The following KHDRBS2 variants were observed in gnomAD, a reference collection of about 807,000 sequenced individuals.
The protein encoded by KHDRBS2 is KH domain-containing, RNA-binding, signal transduction-associated protein 2.
In KHDRBS2, 26 loss-of-function variants were observed where a neutral mutation model predicts 44.3. That is an observed-to-expected ratio of 0.59 (90% confidence interval 0.43 to 0.81). The LOEUF (loss-of-function observed/expected upper bound fraction) is 0.81, where lower values mean the gene tolerates loss of function less well. KHDRBS2 is among the 40% of genes least tolerant of loss of function. KHDRBS2 has a pLI of 0.00. For missense variants in KHDRBS2, 476 were observed against 433.1 expected, an observed-to-expected ratio of 1.10 and a Z score of -0.88; for synonymous variants, 194 against 151.1, an observed-to-expected ratio of 1.28 and a Z score of -2.08.
intron 2 of KHDRBS2, among the ~76,000 whole-genome samples, chr6:62,103,735 G>A (rs547205329): frequency 1.1e-4 from 16 of 152,166 alleles, no homozygotes; most frequent in African/African-American, 3.9e-4. Context: ...TACAGCTGGC[G>A]ACCTTGCAGT....
chr6:61,625,184 A>C, the KHDRBS2 span, among the ~76,000 whole-genome samples: 1 of 151,990 alleles, frequency 6.6e-6, no homozygotes, highest in East Asian at 1.9e-4. Context: ...TGATTACCTC[A>C]GGCTGACCTA....
chr6:62,136,031 A>C (rs1173294496), intron 2 of KHDRBS2, among the ~76,000 whole-genome samples: 1 of 151,884 alleles, frequency 6.6e-6, no homozygotes, highest in African/African-American at 2.4e-5. Context: ...AAATTTGCTA[A>C]GAAACTAGAT....
intron 7 of KHDRBS2, among the ~76,000 whole-genome samples, chr6:61,721,150 G>A (rs1772436474): frequency 6.6e-6 from 1 of 151,888 alleles, no homozygotes; most frequent in South Asian, 2.1e-4. Flanking sequence ...CTCTGTTTTG[G>A]TACCAGTACC....
intron 7 of KHDRBS2, among the ~76,000 whole-genome samples, chr6:61,707,285 C>A (rs1379118775): frequency 2.6e-5 from 4 of 151,728 alleles, no homozygotes; most frequent in Non-Finnish European, 5.9e-5. Context: ...TACTCCATGT[C>A]CACCCCTAAG....
chr6:62,102,463 T>A (rs1472535685), intron 2 of KHDRBS2, among the ~76,000 whole-genome samples: 1 of 152,142 alleles, frequency 6.6e-6, no homozygotes, highest in African/African-American at 2.4e-5. Context: ...TTACAGCATG[T>A]CACACTCCAG....
At chr6:61,586,129 T>A in the KHDRBS2 span, among the ~76,000 whole-genome samples, 1 of 152,188 alleles carries the variant, frequency 6.6e-6, no homozygotes, top group East Asian at 1.9e-4. Context: ...AACCTTTGGA[T>A]TTTTTAGTTA....
chr6:61,749,179 A>AT (rs1777302127), intron 6 of KHDRBS2, among the ~76,000 whole-genome samples: 1 of 151,220 alleles, frequency 6.6e-6, no homozygotes, highest in East Asian at 2.0e-4. Context: ...TGCCCGGCTA[A>AT]TTTTTTTGTA....
the KHDRBS2 span, among the ~76,000 whole-genome samples, chr6:61,612,271 C>G: frequency 6.6e-6 from 1 of 152,066 alleles, no homozygotes; most frequent in Non-Finnish European, 1.5e-5. Context: ...TTATTTGTCA[C>G]TTTTTAGCAC....
chr6:61,572,975 C>G, the KHDRBS2 span, among the ~76,000 whole-genome samples: 12 of 152,216 alleles, frequency 7.9e-5, no homozygotes, highest in African/African-American at 2.9e-4. Flanking sequence ...CCAGAGTAAT[C>G]AGACAAAACA....
chr6:61,954,760 G>T (rs201915333), intron 4 of KHDRBS2, among the ~76,000 whole-genome samples: 2,739 of 37,494 alleles, frequency 0.073, 108 homozygotes, highest in African/African-American at 0.18. Context: ...ACATGCATAT[G>T]TATGTATACA....
At chr6:62,073,148 T>C (rs1467572693) in intron 2 of KHDRBS2, among the ~76,000 whole-genome samples, 1 of 151,996 alleles carries the variant, frequency 6.6e-6, no homozygotes, top group Non-Finnish European at 1.5e-5. Flanking sequence ...TTTTATTTAA[T>C]TCTTTCTTTG....
intron 6 of KHDRBS2, among the ~76,000 whole-genome samples, chr6:61,754,994 A>G (rs886174145): frequency 1.3e-5 from 2 of 152,132 alleles, no homozygotes; most frequent in African/African-American, 4.8e-5. Flanking sequence ...GTAAAACATA[A>G]TATTTATTTG....
intron 3 of KHDRBS2, among the ~76,000 whole-genome samples, chr6:62,026,552 C>A (rs1783366854): frequency 6.6e-6 from 1 of 151,632 alleles, no homozygotes; most frequent in Non-Finnish European, 1.5e-5. Context: ...CCTACCTCAG[C>A]CTCGCAAGTA....
At chr6:62,230,584 C>T (rs995119464) in intron 1 of KHDRBS2, among the ~76,000 whole-genome samples, 9 of 152,204 alleles carry the variant, frequency 5.9e-5, no homozygotes, top group Admixed American at 6.5e-5. Flanking sequence ...GAGGAAGTTG[C>T]GGAAAGTGAT....
At chr6:62,039,273 C>CACAG (rs1334226245) in intron 3 of KHDRBS2, among the ~76,000 whole-genome samples, 4 of 151,236 alleles carry the variant, frequency 2.6e-5, no homozygotes, top group Non-Finnish European at 5.9e-5. Context: ...CACACACACA[C>CACAG]ACACACACAC....
At chr6:62,167,282 G>T (rs1322591972) in intron 2 of KHDRBS2, among the ~76,000 whole-genome samples, 1 of 151,964 alleles carries the variant, frequency 6.6e-6, no homozygotes, top group Non-Finnish European at 1.5e-5. Context: ...TTCGTAAGGG[G>T]TCATAAAAAA....
At chr6:61,987,531 A>G (rs1393305201) in intron 3 of KHDRBS2, among the ~76,000 whole-genome samples, 1 of 152,170 alleles carries the variant, frequency 6.6e-6, no homozygotes, top group East Asian at 1.9e-4. Flanking sequence ...CTTTCTTTTA[A>G]CATAAATCTT....
chr6:62,183,336 AT>A (rs1202102772), intron 1 of KHDRBS2, among the ~76,000 whole-genome samples: 3 of 151,714 alleles, frequency 2.0e-5, no homozygotes, highest in African/African-American at 7.2e-5. Flanking sequence ...TAAAGTCAAA[AT>A]TTATGTAAAT....
At chr6:61,709,764 C>G (rs759361770) in intron 7 of KHDRBS2, among the ~76,000 whole-genome samples, 83 of 151,742 alleles carry the variant, frequency 5.5e-4, no homozygotes, top group Non-Finnish European at 9.4e-4. Context: ...ATTAAATGAA[C>G]TGTTACATGC....
Sources: gnomAD v4.1 joint callset for allele counts (sites outside exome capture counted in the v4.1 genomes callset) on GRCh38, gnomAD v4.1.1 for gene constraint, MANE v1.5 for transcripts, NCBI Gene and HGNC (gene_info 2026-07-23, HGNC 2026-07-21) for gene names.